DOT1L: variants seen among roughly 807,000 people sequenced by gnomAD.
The protein encoded by DOT1L is histone-lysine N-methyltransferase, H3 lysine-79 specific.
In DOT1L, 33 loss-of-function variants were observed where a neutral mutation model predicts 153.3. The observed-to-expected ratio is 0.22, with a 90% CI of 0.16 to 0.29. The LOEUF (loss-of-function observed/expected upper bound fraction) is 0.29, where lower values mean the gene tolerates loss of function less well. Among genes scored for constraint, DOT1L ranks in the 10% least tolerant of loss-of-function variants. The probability of loss-of-function intolerance (pLI) is 1.00; values close to 1 mark genes in which losing one functional copy is unlikely to be tolerated. For synonymous variants in DOT1L, 1,135 were observed against 965.1 expected, an observed-to-expected ratio of 1.18 and a Z score of -3.26; for missense variants, 1,847 against 2,119.9, an observed-to-expected ratio of 0.87 and a Z score of 2.53.
intron 19 of DOT1L, chr19:2,216,078 A>C (rs1599602696): frequency 1.6e-6 from 1 of 616,030 alleles, no homozygotes; most frequent in South Asian, 2.5e-5. Context: ...GTCAGCAAAA[A>C]CCATCCTCGG....
chr19:2,226,125 C>T, intron 26 of DOT1L, 58 bp from the exon 27 acceptor site: 3 of 1,476,876 alleles, frequency 2.0e-6, no homozygotes, highest in African/African-American at 2.8e-5. Context: ...CGGTTAGCCT[C>T]ATGGGTAGCC....
chr19:2,173,020 T>C (rs528136346), intron 1 of DOT1L, among the ~76,000 whole-genome samples: 55 of 151,488 alleles, frequency 3.6e-4, no homozygotes, highest in Non-Finnish European at 6.6e-4. Context: ...TACATTTCAG[T>C]GTGTTTTAGT....
At chr19:2,194,252 G>T (rs1165153178) in intron 6 of DOT1L, among the ~76,000 whole-genome samples, 1 of 152,136 alleles carries the variant, frequency 6.6e-6, no homozygotes, top group Non-Finnish European at 1.5e-5. Flanking sequence ...CTCACTGCAA[G>T]CTCCGCCACC....
chr19:2,189,523 G>A (rs140356557), intron 3 of DOT1L, among the ~76,000 whole-genome samples: 15 of 152,318 alleles, frequency 9.8e-5, no homozygotes, highest in African/African-American at 2.9e-4. Context: ...CCGGACTCTC[G>A]GCCGGCCACC....
intron 9 of DOT1L, among the ~76,000 whole-genome samples, chr19:2,205,137 A>AT (rs966251199): frequency 7.9e-5 from 12 of 151,766 alleles, no homozygotes; most frequent in Admixed American, 5.9e-4. Context: ...CACCTGGCTA[A>AT]TTTTTTTGTA....
rs560870526 is a variant in DOT1L at position 2,187,697 on chromosome 19, T to C, written c.200+1768T>C. On this transcript the variant is annotated intron_variant, in intron 3 of 27. Coordinates refer to ENST00000398665, the MANE Select transcript of DOT1L (RefSeq NM_032482.3). ...CAGCACTTTGGGAGGCCGAGGCGGATGGATCACGAGGTCAGGAGATCGAGA... is the reference window on the plus strand; with the variant it reads ...CAGCACTTTGGGAGGCCGAGGCGGACGGATCACGAGGTCAGGAGATCGAGA... Among the ~76,000 whole-genome samples, 51 of 152,172 alleles carry C rather than the reference T, an allele frequency of 3.4e-4. 1 individual carries two copies. Among genetic ancestry groups the C allele is most frequent in the African/African-American group, 8.4e-4 (35 of 41,502 alleles).
Position 2,216,980 on chromosome 19 carries a change from C to T in DOT1L, c.2434C>T (p.Leu812Phe). 6.2e-7 allele frequency: 1 copy of T among 1,612,958 alleles called. No individual in the cohort carries two copies. The highest frequency in any genetic ancestry group is 8.5e-7 in the Non-Finnish European group (1 of 1,179,724). Reference protein sequence around the residue: ...SRAEHTKENGLPYQSPSVPGS... With the variant: ...SRAEHTKENGFPYQSPSVPGS... ...AGCTGAGCACACCAAGGAGAACGGC[C>T]TTCCCTACCAGAGCCCCAGCGTGCC... The change falls in exon 21 of 28, where the codon CTT becomes TTT. Residue 812 changes from leucine (L) to phenylalanine (F), a missense_variant. By Grantham distance (22) the Leu-to-Phe change is conservative (BLOSUM62 0). Around this residue, in one of 8 missense-constraint regions of DOT1L, gnomAD observed 281 missense variants for 263.6 expected, o/e 1.07. Transcript: ENST00000398665.
intron 9 of DOT1L, among the ~76,000 whole-genome samples, chr19:2,203,067 C>G (rs1374094640): frequency 6.6e-6 from 1 of 151,912 alleles, no homozygotes. Flanking sequence ...GACTACGGGT[C>G]TGTGCCACCA....
chr19:2,194,650 C>G (rs2022942412), intron 7 of DOT1L, 73 bp downstream of exon 7: 2 of 989,420 alleles, frequency 2.0e-6, no homozygotes, highest in Admixed American at 2.5e-5. Context: ...TCAGCCCCTC[C>G]TTTCTTGCCG....
intron 12 of DOT1L, among the ~76,000 whole-genome samples, chr19:2,209,643 G>A (rs151244178): frequency 1.7e-4 from 26 of 152,378 alleles, no homozygotes; most frequent in African/African-American, 5.0e-4. Context: ...CGCCCTGCCC[G>A]CTGGCGCTTC....
At chr19:2,192,546 G>A (rs1365506820) in intron 5 of DOT1L, among the ~76,000 whole-genome samples, 1 of 152,096 alleles carries the variant, frequency 6.6e-6, no homozygotes, top group East Asian at 1.9e-4. Context: ...GGTGGCGCGC[G>A]CCTGTAATCC....
rs372248188 is a variant in DOT1L at position 2,199,929 on chromosome 19, G to A, written c.697G>A (p.Ala233Thr). 1.9e-6 allele frequency: 3 copies of A among 1,613,942 alleles called. No individual in the cohort carries two copies. The highest frequency in any genetic ancestry group is 2.5e-6 in the Non-Finnish European group (3 of 1,179,870). ...CTCAGAAGAGTGGAGGGAGCGAATC[G>A]CCAACACGAGGTATGGCCAGCGTGG... Reference protein sequence around the residue: ...FLSEEWRERIANTSVIFVNNF... With the variant: ...FLSEEWRERITNTSVIFVNNF... Residue 233 changes from alanine (A) to threonine (T), a missense_variant, in exon 8 of 28, where the codon GCC becomes ACC. By Grantham distance (58) the Ala-to-Thr change is moderately conservative. Transcript: ENST00000398665.
At position 2,197,350 on chromosome 19, in the gene DOT1L, C is replaced by T. The variant is rs183125079; in HGVS notation, c.652-2534C>T. Among the ~76,000 whole-genome samples the T allele has an allele frequency of 1.6e-4, 25 of 152,282 alleles. No homozygotes were observed. Among genetic ancestry groups the T allele is most frequent in the African/African-American group, 6.0e-4 (25 of 41,556 alleles). ...CACATGGGTTCCTGGCTGTGGCAGG[C>T]GAGCCACACAGATCCCAGCACAGAG... On this transcript the variant is annotated intron_variant, in intron 7 of 27. Transcript: ENST00000398665. This position sits in a 1 kb window ranked among gnomAD's most constrained non-coding sequence, Gnocchi z 4.1.
chr19:2,185,154 T>C (rs1337124498), intron 2 of DOT1L, among the ~76,000 whole-genome samples: 2 of 152,182 alleles, frequency 1.3e-5, no homozygotes, highest in African/African-American at 4.8e-5. Flanking sequence ...TCTGCCCACC[T>C]CGGCCTCCCA....
intron 27 of DOT1L, chr19:2,227,542 G>T: frequency 1.7e-6 from 1 of 600,044 alleles, no homozygotes; most frequent in South Asian, 1.8e-5. Context: ...CTGGCCCTGG[G>T]GCTGCTGCGG....
At chr19:2,194,419 C>G in intron 6 of DOT1L, 96 bp from the exon 7 acceptor site, 1 of 1,394,940 alleles carries the variant, frequency 7.2e-7, no homozygotes, top group East Asian at 2.3e-5. Flanking sequence ...GATCCGCCCT[C>G]CTCAGCCTCC....
At chr19:2,164,976 A>C (rs1249406253) in intron 1 of DOT1L, among the ~76,000 whole-genome samples, 1 of 152,082 alleles carries the variant, frequency 6.6e-6, no homozygotes. Flanking sequence ...GGAGTTAGTA[A>C]ATTTTGTCTT....
In DOT1L at chr19:2,207,790, C is replaced by G. The variant is rs2023559999; in HGVS notation, c.963+110C>G. On this transcript the variant is annotated intron_variant, in intron 11 of 27. Transcript: ENST00000398665. This position sits in a 1 kb window ranked among gnomAD's most constrained non-coding sequence, Gnocchi z 4.5. ...GGCCTCTGAGACCCTCCCCTCAGAG[C>G]CCTCAACGCCCCCCGGCCCCTGAGC... is the stretch of plus-strand genomic sequence containing the variant. 1 of 981,744 alleles carries G rather than the reference C, an allele frequency of 1.0e-6. No homozygotes were observed. The highest frequency in any genetic ancestry group is 2.6e-5 in the Admixed American group (1 of 38,500). 60.8% of individuals were successfully genotyped at this position (981,744 alleles called of 1,614,324 possible).
At chr19:2,219,367 A>G (rs1022131881) in intron 22 of DOT1L, among the ~76,000 whole-genome samples, 4 of 152,046 alleles carry the variant, frequency 2.6e-5, no homozygotes, top group African/African-American at 9.7e-5. Flanking sequence ...ACCCGGGAAA[A>G]AGCGTTGCCC....
Sources: gnomAD v4.1 joint callset for allele counts (sites outside exome capture counted in the v4.1 genomes callset) on GRCh38, gnomAD v4.1.1 for gene constraint, gnomAD v4.1.1 regional missense constraint, Gnocchi (gnomAD v3.1) non-coding constraint, MANE v1.5 for transcripts, NCBI Gene and HGNC (gene_info 2026-07-23, HGNC 2026-07-21) for gene names.